Variants in PHF24 observed in about 807,000 individuals in gnomAD.
PHF24 encodes PHD finger protein 24.
Under a neutral mutation model 42.6 loss-of-function variants are expected in PHF24, and 25 were observed. The observed-to-expected ratio is 0.59, with a 90% CI of 0.43 to 0.82. The LOEUF is 0.82. PHF24 is among the 40% of genes least tolerant of loss of function. The pLI is 0.00. For synonymous variants in PHF24, 185 were observed against 204.8 expected (o/e 0.90, Z 0.83); for missense variants, 470 against 538.1 (o/e 0.87, Z 1.25).
At chr9:34,925,282 A>G in the PHF24 span, among the ~76,000 whole-genome samples, 5 of 152,220 alleles carry the variant, frequency 3.3e-5, no homozygotes, top group South Asian at 1.0e-3. Flanking sequence ...TGTTTTTAGA[A>G]TTATTTGTCT....
At chr9:34,766,662 G>A in the PHF24 span, among the ~76,000 whole-genome samples, 20 of 152,136 alleles carry the variant, frequency 1.3e-4, no homozygotes, top group Non-Finnish European at 2.1e-4. Context: ...CCTGTAGCTC[G>A]GAGTAGTTTG....
chr9:34,905,007 T>G, the PHF24 span, among the ~76,000 whole-genome samples: 1 of 151,894 alleles, frequency 6.6e-6, no homozygotes, highest in Non-Finnish European at 1.5e-5. Flanking sequence ...GACCAGCAGG[T>G]GGGAGTAGGC....
At chr9:34,916,639 G>T in the PHF24 span, among the ~76,000 whole-genome samples, 6 of 152,158 alleles carry the variant, frequency 3.9e-5, no homozygotes, top group African/African-American at 1.4e-4. Flanking sequence ...CAAAACTTAG[G>T]AGTATGACAA....
At chr9:34,838,010 G>T in the PHF24 span, among the ~76,000 whole-genome samples, 1 of 152,092 alleles carries the variant, frequency 6.6e-6, no homozygotes, top group Non-Finnish European at 1.5e-5. Flanking sequence ...AATACCTAAA[G>T]ACTTCAGTTT....
the PHF24 span, among the ~76,000 whole-genome samples, chr9:34,798,582 A>G: frequency 3.9e-5 from 6 of 152,246 alleles, no homozygotes; most frequent in African/African-American, 1.4e-4. Context: ...TCCATGGTGC[A>G]TATGTATGAC....
At chr9:34,811,415 A>G in the PHF24 span, among the ~76,000 whole-genome samples, 9 of 152,166 alleles carry the variant, frequency 5.9e-5, no homozygotes, top group South Asian at 2.1e-4. Context: ...TGGAATGGGT[A>G]AGTCATGGCA....
rs116819857 is a variant in PHF24, at chr9:34,972,128, C to A, written c.379-218C>A. Reference sequence around the variant, plus strand: ...TCTTTCTAAAAGTGCTAGTAGCTCCCTGTTCATAAACATGGTCACAAAGAC... The same window carrying A: ...TCTTTCTAAAAGTGCTAGTAGCTCCATGTTCATAAACATGGTCACAAAGAC... On this transcript the variant is annotated intron_variant, in intron 2 of 7. Transcript: ENST00000242315. Among the ~76,000 whole-genome samples, 977 of 152,296 alleles carry A rather than the reference C, an allele frequency of 6.4e-3. 10 individuals are homozygous for A. The highest frequency in any genetic ancestry group is 0.022 in the African/African-American group (918 of 41,556).
chr9:34,709,560 C>T, the PHF24 span: 1 of 1,614,218 alleles, frequency 6.2e-7, no homozygotes, highest in Non-Finnish European at 8.5e-7. Flanking sequence ...CCTGTCCTTC[C>T]TGCAGCCCTG....
At chr9:34,877,739 T>A in the PHF24 span, among the ~76,000 whole-genome samples, 2 of 152,104 alleles carry the variant, frequency 1.3e-5, no homozygotes, top group Non-Finnish European at 2.9e-5. Flanking sequence ...GATTTTTTTT[T>A]ATATACTTTA....
chr9:34,729,960 C>T, the PHF24 span, among the ~76,000 whole-genome samples: 22 of 152,170 alleles, frequency 1.4e-4, no homozygotes, highest in African/African-American at 5.3e-4. Flanking sequence ...AACAGAGGTG[C>T]AGGAAGGGGA....
At position 34,958,972 on chromosome 9, in the gene PHF24, T is replaced by G. The variant is rs1403455224; in HGVS notation, c.-5+571T>G. On this transcript the variant is annotated intron_variant, in intron 1 of 7. Coordinates refer to ENST00000242315, the Ensembl canonical transcript of PHF24. The surrounding 1 kb of genome is among the most constrained non-coding windows in gnomAD (Gnocchi z 4.5). ...CCTGTAGGGTTCCATGTGCCCTTACTTGTATCCCCACACCGTGGCCCAGAG... is the reference window on the plus strand; with the variant it reads ...CCTGTAGGGTTCCATGTGCCCTTACGTGTATCCCCACACCGTGGCCCAGAG... Among the ~76,000 whole-genome samples, 1 of 152,202 alleles carries G rather than the reference T, an allele frequency of 6.6e-6. No homozygotes were observed. The highest frequency in any genetic ancestry group is 3.2e-3 in the Middle Eastern group (1 of 316).
the PHF24 span, among the ~76,000 whole-genome samples, chr9:34,673,366 A>G: frequency 5.1e-5 from 7 of 136,042 alleles, no homozygotes; most frequent in African/African-American, 8.3e-5. Context: ...AAAAAAAAAA[A>G]AGAGAGGAAT....
the PHF24 span, among the ~76,000 whole-genome samples, chr9:34,686,032 T>C: frequency 1.4e-4 from 22 of 152,286 alleles, no homozygotes; most frequent in African/African-American, 5.3e-4. Context: ...ATAAGAATGG[T>C]AATAGCACTT....
the PHF24 span, among the ~76,000 whole-genome samples, chr9:34,873,962 T>C: frequency 6.6e-6 from 1 of 152,202 alleles, no homozygotes; most frequent in African/African-American, 2.4e-5. Flanking sequence ...TTTGAAGCAA[T>C]TGTGAATGGA....
At chr9:34,819,238 T>C in the PHF24 span, among the ~76,000 whole-genome samples, 1 of 152,172 alleles carries the variant, frequency 6.6e-6, no homozygotes, top group East Asian at 1.9e-4. Context: ...CAGTTTCTGA[T>C]TTCATTAAGA....
At chr9:34,675,205 A>G in the PHF24 span, among the ~76,000 whole-genome samples, 1 of 152,014 alleles carries the variant, frequency 6.6e-6, no homozygotes. Context: ...GTGGTTCTCA[A>G]TCCGCAAGGG....
the PHF24 span, among the ~76,000 whole-genome samples, chr9:34,708,527 A>G: frequency 5.9e-5 from 9 of 152,314 alleles, no homozygotes; most frequent in Non-Finnish European, 1.2e-4. Context: ...GTGCTAGGGC[A>G]GGTTTCAATA....
At chr9:34,679,492 G>A in the PHF24 span, among the ~76,000 whole-genome samples, 12 of 152,170 alleles carry the variant, frequency 7.9e-5, no homozygotes, top group African/African-American at 2.7e-4. Flanking sequence ...AGTGGTGGGC[G>A]GATCACGAGG....
At chr9:34,875,948 A>ACTCTCT in the PHF24 span, among the ~76,000 whole-genome samples, 1 of 79,916 alleles carries the variant, frequency 1.3e-5, no homozygotes, top group African/African-American at 4.9e-5. Context: ...ACACACACAC[A>ACTCTCT]CACTCTCTCT....
Sources: gnomAD v4.1 joint callset for allele counts (sites outside exome capture counted in the v4.1 genomes callset) on GRCh38, gnomAD v4.1.1 for gene constraint, Gnocchi (gnomAD v3.1) non-coding constraint, MANE v1.5 for transcripts, NCBI Gene and HGNC (gene_info 2026-07-23, HGNC 2026-07-21) for gene names.